Variants in CCSAP observed in about 807,000 individuals in gnomAD.
CCSAP encodes centriole, cilia and spindle-associated protein.
Under a neutral mutation model 25.9 loss-of-function variants are expected in CCSAP, and 17 were observed. That is an observed-to-expected ratio of 0.66 (90% CI 0.45 to 0.99). The LOEUF is 0.99. Among genes scored for constraint, CCSAP ranks in the 50% least tolerant of loss-of-function variants. The pLI is 0.00. For missense variants in CCSAP, 339 were observed against 367.8 expected, an observed-to-expected ratio of 0.92 and a Z score of 0.64; for synonymous variants, 169 against 157.1, an observed-to-expected ratio of 1.08 and a Z score of -0.57.
chr1:229,336,870 AAAAAT>A (rs1447474674), intron 2 of CCSAP, among the ~76,000 whole-genome samples: 15 of 152,174 alleles, frequency 9.9e-5, no homozygotes, highest in African/African-American at 1.4e-4. Context: ...ATTATGGACC[AAAAAT>A]AGATGATCTC....
intron 2 of CCSAP, among the ~76,000 whole-genome samples, chr1:229,337,010 T>G (rs1658209824): frequency 6.6e-6 from 1 of 152,018 alleles, no homozygotes; most frequent in African/African-American, 2.4e-5. Context: ...CATTTTTAAG[T>G]AAAAATGTTA....
chr1:229,327,547 G>C (rs1343182962), intron 2 of CCSAP: 1 of 456,110 alleles, frequency 2.2e-6, no homozygotes, highest in African/African-American at 2.0e-5. Context: ...TAGGTGCGCA[G>C]CCAGGCATTC....
At chr1:229,334,040 C>A (rs989269958) in intron 2 of CCSAP, among the ~76,000 whole-genome samples, 6 of 152,186 alleles carry the variant, frequency 3.9e-5, no homozygotes, top group Admixed American at 6.5e-5. Context: ...CCAGTTTCCT[C>A]ATTGAGCATA....
At position 229,342,092 on chromosome 1, in the gene CCSAP, C is replaced by A; in HGVS notation, c.367+7G>T. ...AGGCCCCTCGCGCTCCCCTCCGGGC[C>A]GGGTACCTGGCAGAGCCGCGTCCTC... On this transcript the variant is annotated splice_region_variant and intron_variant, in intron 2 of 3. Coordinates refer to ENST00000284617, the MANE Select transcript of CCSAP (RefSeq NM_145257.5). This position sits in a 1 kb window ranked among gnomAD's most constrained non-coding sequence, Gnocchi z 7.5. 2 of 1,339,000 alleles carry A rather than the reference C, an allele frequency of 1.5e-6. No individual in the cohort carries two copies. Among genetic ancestry groups the A allele is most frequent in the South Asian group, 2.3e-5 (1 of 43,970 alleles). The allele number at this position is 1,339,000 out of a possible 1,614,324, so 82.9% of individuals were successfully genotyped here.
At chr1:229,333,190 T>C (rs375185647) in intron 2 of CCSAP, among the ~76,000 whole-genome samples, 12 of 152,232 alleles carry the variant, frequency 7.9e-5, no homozygotes, top group African/African-American at 2.4e-4. Flanking sequence ...CCCAGCACTT[T>C]GGGAGGCCAA....
Position 229,327,252 on chromosome 1 carries a change from C to A in CCSAP, c.368-246G>T, listed in dbSNP as rs1258103528. ...CAAGCTTATTCAAAAGCAACCACTGCTACTCCGATTCTGAGACTTAGCATC... is the reference window on the plus strand; with the variant it reads ...CAAGCTTATTCAAAAGCAACCACTGATACTCCGATTCTGAGACTTAGCATC... On this transcript the variant is annotated intron_variant, in intron 2 of 3. Transcript: ENST00000284617. The A allele has an allele frequency of 3.3e-5, 13 of 388,886 alleles. No homozygotes were observed. In the Admixed American group the frequency reaches 5.4e-4, roughly 16 times the overall value. 24.1% of individuals were successfully genotyped at this position (388,886 alleles called of 1,614,324 possible).
chr1:229,321,193 A>AACTT lies in CCSAP; in HGVS notation c.*4038_*4041dup, dbSNP rs1277068486. On this transcript the variant is annotated 3_prime_UTR_variant, in exon 4 of 4. Coordinates refer to ENST00000284617, the MANE Select transcript of CCSAP (RefSeq NM_145257.5). ...TAAAGTGAATGCAGTGCTCAAAACA[A>AACTT]ACTTACGATAGCACAGGGAAACCTT... 3 of 152,200 alleles carry AACTT rather than the reference A, an allele frequency of 2.0e-5. No individual in the cohort carries two copies. The highest frequency in any genetic ancestry group is 2.9e-5 in the Non-Finnish European group (2 of 68,030). The allele number at this position is 152,200 out of a possible 1,614,324, so 9.4% of individuals were successfully genotyped here.
intron 2 of CCSAP, among the ~76,000 whole-genome samples, chr1:229,339,447 C>A (rs564297484): frequency 5.6e-4 from 86 of 152,338 alleles, no homozygotes; most frequent in African/African-American, 2.0e-3. Flanking sequence ...ATAAAGCTAT[C>A]TCTTGGCATT....
At position 229,342,616 on chromosome 1, in the gene CCSAP, C is replaced by A; in HGVS notation, c.-48-103G>T. ...GCCCCGCCCGGACGGGAGCAGGGGG[C>A]GGGTCCCGGCGAGGGCGGGGAGGGG... is the stretch of plus-strand genomic sequence containing the variant. On this transcript the variant is annotated intron_variant, in intron 1 of 3. Transcript: ENST00000284617. This position sits in a 1 kb window ranked among gnomAD's most constrained non-coding sequence, Gnocchi z 7.5. The A allele has an allele frequency of 4.4e-6, 2 of 454,712 alleles. No individual in the cohort carries two copies. The highest frequency in any genetic ancestry group is 7.0e-6 in the Non-Finnish European group (2 of 285,070). 28.2% of individuals were successfully genotyped at this position (454,712 alleles called of 1,614,324 possible).
In CCSAP at chr1:229,323,658, T is replaced by A. The variant is rs1319381031; in HGVS notation, c.*1577A>T. 1 of 152,218 alleles carries A rather than the reference T, an allele frequency of 6.6e-6. No homozygotes were observed. Among genetic ancestry groups the A allele is most frequent in the African/African-American group, 2.4e-5 (1 of 41,458 alleles). 9.4% of individuals were successfully genotyped at this position (152,218 alleles called of 1,614,324 possible). On this transcript the variant is annotated 3_prime_UTR_variant, in exon 4 of 4. Transcript: ENST00000284617. Reference sequence around the variant, plus strand: ...TATACATCTCAATGATTAGGAGAGATCTGTAAGGAAACAAATTCACCTCAA... The same window carrying A: ...TATACATCTCAATGATTAGGAGAGAACTGTAAGGAAACAAATTCACCTCAA...
rs1558248989 is a variant in CCSAP at position 229,326,940 on chromosome 1, G to A, written c.434C>T (p.Ser145Leu). Residue 145 changes from serine to leucine, a missense_variant, in exon 3 of 4, where the codon TCA becomes TTA. By Grantham distance (145) the Ser-to-Leu change is moderately radical (BLOSUM62 -2). Transcript: ENST00000284617. The part of the protein sequence containing the change: ...QQTRTRETDK[S>L]PTSTEPRQQP... ...CTGTCGAGGCTCAGTACTGGTGGGTGATTTGTCAGTCTCTCTTGTTCTGGT... is the reference window on the plus strand; with the variant it reads ...CTGTCGAGGCTCAGTACTGGTGGGTAATTTGTCAGTCTCTCTTGTTCTGGT... 5 of 1,614,164 alleles carry A rather than the reference G, an allele frequency of 3.1e-6. No individual in the cohort carries two copies. The highest frequency in any genetic ancestry group is 4.2e-6 in the Non-Finnish European group (5 of 1,180,030).
Position 229,325,380 on chromosome 1 carries a change from C to G in CCSAP, c.668G>C (p.Arg223Thr). 6.2e-7 allele frequency: 1 copy of G among 1,613,890 alleles called. No individual in the cohort carries two copies. Among genetic ancestry groups the G allele is most frequent in the Non-Finnish European group, 8.5e-7 (1 of 1,179,956 alleles). ...IHESALRAKN[R>T]RQVEKRKLVA... ...CAGTTTCCTTTTTTCCACCTGTCTT[C>G]TGTTCTTGGCTCGTAATGCTGATTC... The change falls in exon 4 of 4, where the codon AGA becomes ACA. Residue 223 changes from arginine (R) to threonine (T), a missense_variant. Physicochemically the swap from Arg to Thr is moderately conservative, Grantham distance 71. Transcript: ENST00000284617.
intron 2 of CCSAP, chr1:229,327,374 A>G (rs1014507168): frequency 2.8e-6 from 1 of 361,246 alleles, no homozygotes; most frequent in Non-Finnish European, 5.5e-6. Context: ...TCCTTCACGG[A>G]AAGATCTGGA....
At position 229,342,426 on chromosome 1, in the gene CCSAP, G is replaced by T; in HGVS notation, c.40C>A (p.Arg14Ser). The T allele has an allele frequency of 7.0e-7, 1 of 1,429,600 alleles. No individual in the cohort carries two copies. 88.6% of individuals were successfully genotyped at this position (1,429,600 alleles called of 1,614,324 possible). ...TCCTCCCAGCGCGGCTCCTGGTAGC[G>T]CTTCATGTACTCGCTCTTCACCCCG... The part of the protein sequence containing the change: ...GSGVKSEYMK[R>S]YQEPRWEEYG... The change falls in exon 2 of 4, where the codon CGC becomes AGC. Residue 14 changes from arginine to serine, a missense_variant. Transcript: ENST00000284617. The surrounding 1 kb of genome is among the most constrained non-coding windows in gnomAD (Gnocchi z 7.5).
Position 229,326,957 on chromosome 1 carries a change from T to C in CCSAP, c.417A>G (p.Thr139=), listed in dbSNP as rs771616419. Residue 139 remains threonine (T), a synonymous_variant, in exon 3 of 4, where the codon ACA becomes ACG. Coordinates refer to ENST00000284617, the MANE Select transcript of CCSAP (RefSeq NM_145257.5). The stretch of plus-strand genomic sequence containing the variant: ...TGGTGGGTGATTTGTCAGTCTCTCT[T>C]GTTCTGGTTTGTTGTTCAGGTTTAT... ...VEDKPEQQTR[T]RETDKSPTST... 1.9e-6 allele frequency: 3 copies of C among 1,614,204 alleles called. No individual in the cohort carries two copies. The highest frequency in any genetic ancestry group is 2.5e-6 in the Non-Finnish European group (3 of 1,180,022).
At chr1:229,335,422 C>T (rs2102696974) in intron 2 of CCSAP, among the ~76,000 whole-genome samples, 1 of 152,246 alleles carries the variant, frequency 6.6e-6, no homozygotes, top group Middle Eastern at 3.4e-3. Context: ...CAATCAGCAC[C>T]CCAGCCCTCG....
At chr1:229,340,877 T>C (rs1658314357) in intron 2 of CCSAP, among the ~76,000 whole-genome samples, 2 of 152,218 alleles carry the variant, frequency 1.3e-5, no homozygotes, top group African/African-American at 4.8e-5. Flanking sequence ...TCACTGATCC[T>C]GAGCTTCCGT....
intron 2 of CCSAP, among the ~76,000 whole-genome samples, chr1:229,329,570 T>C (rs909193311): frequency 5.9e-5 from 9 of 152,162 alleles, no homozygotes; most frequent in Non-Finnish European, 1.3e-4. Flanking sequence ...CCTATTTGTA[T>C]TTTAGGAATG....
rs1262752853 is a variant in CCSAP, at chr1:229,321,168, T to TAA, written c.*4065_*4066dup. The TAA allele has an allele frequency of 6.6e-6, 1 of 152,212 alleles. No individual in the cohort carries two copies. Among genetic ancestry groups the TAA allele is most frequent in the African/African-American group, 2.4e-5 (1 of 41,468 alleles). 9.4% of individuals were successfully genotyped at this position (152,212 alleles called of 1,614,324 possible). On this transcript the variant is annotated 3_prime_UTR_variant, in exon 4 of 4. Coordinates refer to ENST00000284617, the MANE Select transcript of CCSAP (RefSeq NM_145257.5). ...CCCAGCCTTTGTTCCTCCAGAATTT[T>TAA]AAAGTGAATGCAGTGCTCAAAACAA...
Sources: gnomAD v4.1 joint callset for allele counts (sites outside exome capture counted in the v4.1 genomes callset) on GRCh38, gnomAD v4.1.1 for gene constraint, Gnocchi (gnomAD v3.1) non-coding constraint, MANE v1.5 for transcripts, NCBI Gene and HGNC (gene_info 2026-07-23, HGNC 2026-07-21) for gene names.